Variants in BRAT1 observed in about 807,000 individuals in gnomAD.
BRAT1 encodes integrator complex assembly factor BRAT1.
Under a neutral mutation model 70.6 loss-of-function variants are expected in BRAT1, and 74 were observed. The ratio of observed to expected loss-of-function variants is 1.05; its 90% CI spans 0.87 to 1.27. BRAT1 has a LOEUF of 1.27. BRAT1 is among the 50% of genes most tolerant of loss of function. The pLI is 0.00. For missense variants in BRAT1, 1,203 were observed against 1,098.2 expected (o/e 1.10, Z -1.35); for synonymous variants, 615 against 517.1 (o/e 1.19, Z -2.57).
In BRAT1 at chr7:2,543,073, C is replaced by T; in HGVS notation, c.923+131G>A. 8.1e-7 allele frequency: 1 copy of T among 1,240,122 alleles called. No homozygotes were observed. Among genetic ancestry groups the T allele is most frequent in the Non-Finnish European group, 1.1e-6 (1 of 906,264 alleles). 76.8% of individuals were successfully genotyped at this position (1,240,122 alleles called of 1,614,324 possible). On this transcript the variant is annotated intron_variant, in intron 6 of 13. Transcript: ENST00000340611. This position sits in a 1 kb window ranked among gnomAD's most constrained non-coding sequence, Gnocchi z 5.5. ...GCGCGCAACCCACGCACCACCCAGTCACACCCCGCACGGCCGCCTGACTGT... is the reference window on the plus strand; with the variant it reads ...GCGCGCAACCCACGCACCACCCAGTTACACCCCGCACGGCCGCCTGACTGT...
rs751532282 is a variant in BRAT1, at chr7:2,538,783, G to A, written c.1771-19C>T. The A allele has an allele frequency of 1.9e-6, 3 of 1,597,840 alleles. No homozygotes were observed. Among genetic ancestry groups the A allele is most frequent in the Non-Finnish European group, 2.5e-6 (3 of 1,179,654 alleles). ...ACAGGCTCTGGGGGACAGGGAGCAA[G>A]TGCGGATGGTTGGTGGGGTGGCAGG... On this transcript the variant is annotated intron_variant, in intron 13 of 13. Transcript: ENST00000340611.
At chr7:2,544,097 CA>C (rs995663519) in intron 4 of BRAT1, 135 bp from the exon 5 acceptor site, 21 of 665,960 alleles carry the variant, frequency 3.2e-5, no homozygotes, top group African/African-American at 2.4e-4. Flanking sequence ...CACTCAAAAG[CA>C]AAAAAGAACA....
Position 2,539,183 on chromosome 7 carries a change from C to A in BRAT1, c.1766G>T (p.Arg589Leu), listed in dbSNP as rs375281590. ...GAGGAACCTGCCACCTCCTACCTGC[C>A]GGGCCTCTGCATGCTCAGGGCTGGT... ...APTSPEHAEA[R>L]QSLFLELLHI... Residue 589 changes from arginine to leucine, a missense_variant, in exon 13 of 14, where the codon CGG becomes CTG. Transcript: ENST00000340611. 6.3e-7 allele frequency: 1 copy of A among 1,597,138 alleles called. No individual in the cohort carries two copies. Among genetic ancestry groups the A allele is most frequent in the Non-Finnish European group, 8.5e-7 (1 of 1,169,972 alleles).
intron 3 of BRAT1, among the ~76,000 whole-genome samples, chr7:2,546,281 A>G: frequency 6.6e-6 from 1 of 152,024 alleles, no homozygotes; most frequent in East Asian, 1.9e-4. Flanking sequence ...TCTCTACCAA[A>G]GATAACAAAG....
chr7:2,543,147 C>T lies in BRAT1; in HGVS notation c.923+57G>A. ...CCATGAGGGCTGCGCTCTCAACCTC[C>T]CTGCCTGCCCCAGCTCCCAGCACCC... On this transcript the variant is annotated intron_variant, in intron 6 of 13. Coordinates refer to ENST00000340611, the MANE Select transcript of BRAT1 (RefSeq NM_152743.4). This position sits in a 1 kb window ranked among gnomAD's most constrained non-coding sequence, Gnocchi z 5.5. 2 of 1,501,242 alleles carry T rather than the reference C, an allele frequency of 1.3e-6. No individual in the cohort carries two copies. Among genetic ancestry groups the T allele is most frequent in the South Asian group, 1.3e-5 (1 of 74,246 alleles). 93.0% of individuals were successfully genotyped at this position (1,501,242 alleles called of 1,614,324 possible). A position where few individuals can be genotyped will look rare whatever the true frequency, so the allele number is the denominator to read the frequency against.
Position 2,538,360 on chromosome 7 carries a change from G to T in BRAT1, c.2175C>A (p.Phe725Leu). ...VAQKSCDLLLFLRDKIASYSS... is the reference protein window; with the variant it reads ...VAQKSCDLLLLLRDKIASYSS... Reference sequence around the variant, plus strand: ...TGTAGGAAGCAATCTTGTCCCTCAGGAAGAGAAGGAGGTCACAAGACTTCT... The same window carrying T: ...TGTAGGAAGCAATCTTGTCCCTCAGTAAGAGAAGGAGGTCACAAGACTTCT... The change falls in exon 14 of 14, where the codon TTC becomes TTA. Residue 725 changes from phenylalanine to leucine, a missense_variant. By Grantham distance (22) the Phe-to-Leu change is conservative. Coordinates refer to ENST00000340611, the MANE Select transcript of BRAT1 (RefSeq NM_152743.4). 1.2e-6 allele frequency: 2 copies of T among 1,613,432 alleles called. No homozygotes were observed. The highest frequency in any genetic ancestry group is 1.7e-6 in the Non-Finnish European group (2 of 1,179,942).
chr7:2,538,923 C>T (rs1229992769), intron 13 of BRAT1, 159 bp from the exon 14 acceptor site: 4 of 1,457,494 alleles, frequency 2.7e-6, no homozygotes, highest in Non-Finnish European at 3.6e-6. Context: ...GCACACGGCC[C>T]TCCAATCCTC....
rs761190843 is a variant in BRAT1, at chr7:2,539,357, G to T, written c.1598-6C>A. 1 of 1,598,748 alleles carries T rather than the reference G, an allele frequency of 6.3e-7. No individual in the cohort carries two copies. Among genetic ancestry groups the T allele is most frequent in the Admixed American group, 1.7e-5 (1 of 59,522 alleles). On this transcript the variant is annotated splice_region_variant and splice_polypyrimidine_tract_variant and intron_variant, in intron 12 of 13. Transcript: ENST00000340611. ...GCATCTGAAGTCAGCCTGTCCTGGG[G>T]GTCGAAACGGCCACATGCAGCTGTG...
Position 2,541,372 on chromosome 7 carries a change from C to T in BRAT1, c.1247G>A (p.Cys416Tyr). Reference protein sequence around the residue: ...APASSVGGHLCGTLAGCVRVQ... With the variant: ...APASSVGGHLYGTLAGCVRVQ... Reference sequence around the variant, plus strand: ...CCGGACGCAGCCCGCCAGGGTCCCACAGAGGTGGCCCCCCACACTGGAGGC... The same window carrying T: ...CCGGACGCAGCCCGCCAGGGTCCCATAGAGGTGGCCCCCCACACTGGAGGC... The change falls in exon 9 of 14, where the codon TGT becomes TAT. Residue 416 changes from cysteine (C) to tyrosine (Y), a missense_variant. Transcript: ENST00000340611. 6.2e-7 allele frequency: 1 copy of T among 1,607,834 alleles called. No individual in the cohort carries two copies. Among genetic ancestry groups the T allele is most frequent in the Non-Finnish European group, 8.5e-7 (1 of 1,179,442 alleles).
At chr7:2,550,721 G>T (rs1330164197) in intron 2 of BRAT1, among the ~76,000 whole-genome samples, 7 of 152,006 alleles carry the variant, frequency 4.6e-5, no homozygotes, top group African/African-American at 1.7e-4. Context: ...AGGCTGGGAG[G>T]GAGGAGGAAA....
intron 4 of BRAT1, chr7:2,544,174 T>A: frequency 2.5e-6 from 1 of 401,330 alleles, no homozygotes; most frequent in Non-Finnish European, 4.4e-6. Context: ...CAGCTTGTGA[T>A]GCTTCCCAAT....
rs201793719 is a variant in BRAT1, at chr7:2,543,340, G to C, written c.804-17C>G. ...ACGGGAGAACTGCAGGGAGACCCCA[G>C]AGAGAAAAATTACTCCCCCACCCTC... On this transcript the variant is annotated splice_polypyrimidine_tract_variant and intron_variant, in intron 5 of 13. Transcript: ENST00000340611. This position sits in a 1 kb window ranked among gnomAD's most constrained non-coding sequence, Gnocchi z 5.5. 4.5e-6 allele frequency: 7 copies of C among 1,567,550 alleles called. No individual in the cohort carries two copies. In the South Asian group the frequency reaches 7.0e-5, roughly 16 times the overall value.
chr7:2,543,437 T>C lies in BRAT1; in HGVS notation c.804-114A>G. The C allele has an allele frequency of 1.3e-6, 2 of 1,482,860 alleles. No individual in the cohort carries two copies. Among genetic ancestry groups the C allele is most frequent in the East Asian group, 2.4e-5 (1 of 41,928 alleles). The allele number at this position is 1,482,860 out of a possible 1,614,324, so 91.9% of individuals were successfully genotyped here. ...GGAGGCGCCCAGCCCAAGACAGGCC[T>C]TTCCCCATGAGGGTTCCAGGGTCAC... On this transcript the variant is annotated intron_variant, in intron 5 of 13. Transcript: ENST00000340611. This position sits in a 1 kb window ranked among gnomAD's most constrained non-coding sequence, Gnocchi z 5.5.
chr7:2,553,816 T>C (rs1229931951), intron 2 of BRAT1, among the ~76,000 whole-genome samples: 1 of 147,696 alleles, frequency 6.8e-6, no homozygotes, highest in Non-Finnish European at 1.5e-5. Context: ...TAATTTTTGT[T>C]TTTTTTTTTT....
rs1418928520 is a variant in BRAT1 at position 2,539,211 on chromosome 7, G to A, written c.1738C>T (p.Pro580Ser). 2.2e-5 allele frequency: 35 copies of A among 1,609,604 alleles called. No individual in the cohort carries two copies. Among genetic ancestry groups the A allele is most frequent in the Non-Finnish European group, 2.9e-5 (34 of 1,179,026 alleles). The stretch of plus-strand genomic sequence containing the variant: ...GCCTCTGCATGCTCAGGGCTGGTGG[G>A]GGCGTGCAGGCCCTGGCTGGACAGC... Reference protein sequence around the residue: ...GQLSSQGLHAPTSPEHAEARQ... With the variant: ...GQLSSQGLHASTSPEHAEARQ... The change falls in exon 13 of 14, where the codon CCC becomes TCC. Residue 580 changes from proline to serine, a missense_variant. Pro to Ser is a moderately conservative substitution (Grantham distance 74). Coordinates refer to ENST00000340611, the MANE Select transcript of BRAT1 (RefSeq NM_152743.4).
chr7:2,545,277 T>C (rs1039974674), intron 3 of BRAT1, among the ~76,000 whole-genome samples: 5 of 145,960 alleles, frequency 3.4e-5, no homozygotes, highest in South Asian at 4.4e-4. Context: ...GGCAGGAGAA[T>C]TGCTTGAACC....
rs1028136415 is a variant in BRAT1 at position 2,545,058 on chromosome 7, T to TGG, written c.283-4_283-3dup. 2.3e-5 allele frequency: 34 copies of TGG among 1,485,846 alleles called. No individual in the cohort carries two copies. The highest frequency in any genetic ancestry group is 2.9e-5 in the Non-Finnish European group (32 of 1,117,204). The allele number at this position is 1,485,846 out of a possible 1,614,324, so 92.0% of individuals were successfully genotyped here. A position where few individuals can be genotyped will look rare whatever the true frequency, so the allele number is the denominator to read the frequency against. On this transcript the variant is annotated splice_region_variant and splice_polypyrimidine_tract_variant and intron_variant, in intron 3 of 13. Coordinates refer to ENST00000340611, the MANE Select transcript of BRAT1 (RefSeq NM_152743.4). ...GAGCCCTGGTAGTAACTCCCCCTGC[T>TGG]GGGAAGCAAAAAAAGAAGTGAGGGT...
chr7:2,554,457 C>A lies in BRAT1; in HGVS notation c.-16-10G>T. 6.2e-7 allele frequency: 1 copy of A among 1,607,416 alleles called. No homozygotes were observed. Among genetic ancestry groups the A allele is most frequent in the East Asian group, 2.2e-5 (1 of 44,814 alleles). ...GGTGAGGCCGCAGGCCCTGCAAAGG[C>A]AATGTGAGAGCCAAACCTCAATGCC... is the stretch of plus-strand genomic sequence containing the variant. On this transcript the variant is annotated splice_polypyrimidine_tract_variant and intron_variant, in intron 1 of 13. Coordinates refer to ENST00000340611, the MANE Select transcript of BRAT1 (RefSeq NM_152743.4).
At chr7:2,541,569 G>A (rs1200712423) in intron 8 of BRAT1, 85 bp from the exon 9 acceptor site, 1 of 1,472,294 alleles carries the variant, frequency 6.8e-7, no homozygotes, top group African/African-American at 1.4e-5. Flanking sequence ...GGCATGTGGG[G>A]CGGGGGACAT....
Sources: allele counts gnomAD v4.1 joint callset (sites outside exome capture counted in the v4.1 genomes callset), GRCh38; gene constraint gnomAD v4.1.1; non-coding constraint Gnocchi (gnomAD v3.1); transcripts MANE v1.5; gene names NCBI Gene and HGNC (gene_info 2026-07-23, HGNC 2026-07-21).